STAB2: variants seen among roughly 807,000 people sequenced by gnomAD.
STAB2 encodes the protein stabilin 2.
STAB2 carries 288 observed loss-of-function variants against 338.1 expected under a neutral mutation model. That is an observed-to-expected ratio of 0.85 (90% CI 0.77 to 0.94). The LOEUF (loss-of-function observed/expected upper bound fraction) is 0.94, where lower values mean the gene tolerates loss of function less well. Among genes scored for constraint, STAB2 ranks in the 40% least tolerant of loss-of-function variants. The pLI is 0.00. For synonymous variants in STAB2, 1,202 were observed against 1,193.3 expected, an observed-to-expected ratio of 1.01 and a Z score of -0.15; for missense variants, 3,141 against 3,210.1, an observed-to-expected ratio of 0.98 and a Z score of 0.52.
At chr12:103,762,489 C>T in intron 67 of STAB2, 87 bp downstream of exon 67, 1 of 1,591,846 alleles carries the variant, frequency 6.3e-7, no homozygotes. Context: ...GGTGGCTGCG[C>T]CAGAGTCCTC....
chr12:103,600,664 C>T (rs1285827624), intron 3 of STAB2, among the ~76,000 whole-genome samples: 1 of 152,216 alleles, frequency 6.6e-6, no homozygotes, highest in African/African-American at 2.4e-5. Context: ...GCCTTTCGTC[C>T]ATTGGGTCAC....
intron 24 of STAB2, among the ~76,000 whole-genome samples, chr12:103,676,396 G>T (rs1876376191): frequency 6.6e-6 from 1 of 152,122 alleles, no homozygotes; most frequent in African/African-American, 2.4e-5. Context: ...TTGATTGTTT[G>T]GGTTTTTTTA....
intron 6 of STAB2, among the ~76,000 whole-genome samples, chr12:103,635,970 G>T (rs1957538850): frequency 6.6e-6 from 1 of 152,212 alleles, no homozygotes; most frequent in Non-Finnish European, 1.5e-5. Flanking sequence ...AGGGAAGAAG[G>T]TTATACGTTG....
intron 3 of STAB2, among the ~76,000 whole-genome samples, chr12:103,616,188 A>C (rs1957208074): frequency 6.6e-6 from 1 of 152,170 alleles, no homozygotes; most frequent in Non-Finnish European, 1.5e-5. Context: ...GGATTGGGGA[A>C]GCTCTCCAAT....
chr12:103,733,764 T>C (rs1881838384), intron 51 of STAB2, among the ~76,000 whole-genome samples: 1 of 151,762 alleles, frequency 6.6e-6, no homozygotes, highest in African/African-American at 2.4e-5. Flanking sequence ...GGAACATACA[T>C]GATCATATAG....
chr12:103,667,205 A>G (rs60636645), intron 19 of STAB2, among the ~76,000 whole-genome samples: 1 of 152,208 alleles, frequency 6.6e-6, no homozygotes, highest in Admixed American at 6.5e-5. Flanking sequence ...AATTAAATAG[A>G]TGCAGGTGTT....
chr12:103,679,603 G>T (rs925514961), intron 25 of STAB2, among the ~76,000 whole-genome samples: 1 of 152,102 alleles, frequency 6.6e-6, no homozygotes, highest in Non-Finnish European at 1.5e-5. Context: ...AGTGACAGTT[G>T]GCAATGGGAC....
intron 3 of STAB2, among the ~76,000 whole-genome samples, chr12:103,610,475 G>C (rs566001795): frequency 2.6e-5 from 4 of 152,220 alleles, no homozygotes; most frequent in African/African-American, 9.6e-5. Context: ...TTATTTGCGT[G>C]GAGGTGTTTA....
In STAB2 at chr12:103,745,194, G is replaced by A. The variant is rs771031943; in HGVS notation, c.6053G>A (p.Gly2018Glu). Residue 2018 changes from glycine (G) to glutamate (E), a missense_variant, in exon 57 of 69, where the codon GGA (glycine) becomes GAA (glutamate). Coordinates refer to ENST00000388887, the MANE Select transcript of STAB2 (RefSeq NM_017564.10). The stretch of plus-strand genomic sequence containing the variant: ...ACAGCCTGTGGCTGCTCAGACCACG[G>A]ACAGTGCGATGATGGCATCACGGGC... ...DCLPCGCSDHGQCDDGITGSG... is the reference protein window; with the variant it reads ...DCLPCGCSDHEQCDDGITGSG... 6.2e-6 allele frequency: 10 copies of A among 1,613,894 alleles called. No individual in the cohort carries two copies. The highest frequency in any genetic ancestry group is 8.5e-6 in the Non-Finnish European group (10 of 1,179,988).
At chr12:103,628,353 A>G (rs957570933) in intron 5 of STAB2, among the ~76,000 whole-genome samples, 4 of 152,236 alleles carry the variant, frequency 2.6e-5, no homozygotes, top group Non-Finnish European at 4.4e-5. Context: ...TAAGCACTCA[A>G]TAAAGAGAAG....
chr12:103,709,103 C>A (rs990325618), intron 39 of STAB2, among the ~76,000 whole-genome samples: 1 of 152,182 alleles, frequency 6.6e-6, no homozygotes, highest in Admixed American at 6.5e-5. Flanking sequence ...GCAATTTATT[C>A]TCCTGCCAAT....
chr12:103,708,037 A>G (rs1031835860), intron 38 of STAB2, among the ~76,000 whole-genome samples: 5 of 152,182 alleles, frequency 3.3e-5, no homozygotes, highest in African/African-American at 7.2e-5. Context: ...GCAGTGCCAC[A>G]CCAGGCTTAT....
chr12:103,754,945 C>CAA (rs755475468), intron 61 of STAB2: 12,264 of 158,716 alleles, frequency 0.077, 1,136 homozygotes, highest in African/African-American at 0.24. Flanking sequence ...GACTCCACCT[C>CAA]AAAAAAAAAA....
intron 3 of STAB2, among the ~76,000 whole-genome samples, chr12:103,608,177 C>T (rs1046399504): frequency 6.6e-6 from 1 of 152,148 alleles, no homozygotes; most frequent in Non-Finnish European, 1.5e-5. Context: ...CTCGCTCTGT[C>T]GCCCAGGCTG....
At chr12:103,703,382 C>A in intron 35 of STAB2, 106 bp downstream of exon 35, 3 of 1,349,922 alleles carry the variant, frequency 2.2e-6, no homozygotes, top group Non-Finnish European at 3.0e-6. Flanking sequence ...TCAATTCAGT[C>A]CATAAACCAC....
At chr12:103,667,076 T>C (rs1186099059) in intron 19 of STAB2, among the ~76,000 whole-genome samples, 1 of 152,218 alleles carries the variant, frequency 6.6e-6, no homozygotes, top group Non-Finnish European at 1.5e-5. Context: ...TATAAGTTTA[T>C]CATAAGAAAG....
intron 64 of STAB2, 62 bp downstream of exon 64, chr12:103,758,351 C>T: frequency 6.3e-7 from 1 of 1,597,874 alleles, no homozygotes; most frequent in East Asian, 2.2e-5. Context: ...CACAACAATG[C>T]TGTGTCACAA....
chr12:103,727,281 A>T lies in STAB2; in HGVS notation c.4866A>T (p.Lys1622Asn). ...TCTTCCCACAGGAGCATTTCGTGAAAGATCTGGTCGGCCCAGGCCCCTTCA... is the reference window on the plus strand; with the variant it reads ...TCTTCCCACAGGAGCATTTCGTGAATGATCTGGTCGGCCCAGGCCCCTTCA... ...YFFQLQEHFV[K>N]DLVGPGPFTV... The change falls in exon 47 of 69, where the codon AAA (lysine) becomes AAT (asparagine). Residue 1622 changes from lysine to asparagine, a missense_variant. Lys to Asn is a moderately conservative substitution (Grantham distance 94). Transcript: ENST00000388887. 1.9e-6 allele frequency: 3 copies of T among 1,614,262 alleles called. No homozygotes were observed. In the South Asian group the frequency reaches 3.3e-5, roughly 18 times the overall value.
chr12:103,597,075 T>C (rs703599), intron 3 of STAB2, among the ~76,000 whole-genome samples: 62,599 of 151,800 alleles, frequency 0.41, 14,526 homozygotes, highest in East Asian at 0.62. Flanking sequence ...GGACATTATT[T>C]CTACTGTCCT....
Sources: allele counts gnomAD v4.1 joint callset (sites outside exome capture counted in the v4.1 genomes callset), GRCh38; gene constraint gnomAD v4.1.1; transcripts MANE v1.5; gene names NCBI Gene and HGNC (gene_info 2026-07-23, HGNC 2026-07-21).